The following SEL1L2 variants were observed in gnomAD, a reference collection of about 807,000 sequenced individuals.
SEL1L2 encodes SEL1L2 adaptor subunit of SYVN1 ubiquitin ligase, also known as protein sel-1 homolog 2.
SEL1L2 carries 89 observed loss-of-function variants against 98.8 expected under a neutral mutation model. That is an observed-to-expected ratio of 0.90 (90% CI 0.76 to 1.07). The LOEUF (loss-of-function observed/expected upper bound fraction) is 1.07. Ranked by LOEUF, SEL1L2 falls within the 50% of genes least tolerant of loss-of-function variation. The pLI is 0.00. For synonymous variants in SEL1L2, 262 were observed against 278.5 expected (o/e 0.94, Z 0.59); for missense variants, 788 against 812.0 (o/e 0.97, Z 0.36).
chr20:13,895,401 C>T (rs2047377670), intron 5 of SEL1L2, among the ~76,000 whole-genome samples: 1 of 149,982 alleles, frequency 6.7e-6, no homozygotes, highest in African/African-American at 2.5e-5. Flanking sequence ...CAAGATCACG[C>T]CACTGCACTG....
chr20:13,864,101 G>A (rs2147803026), intron 17 of SEL1L2, among the ~76,000 whole-genome samples: 1 of 152,060 alleles, frequency 6.6e-6, no homozygotes, highest in African/African-American at 2.4e-5. Flanking sequence ...ACCCACATTT[G>A]TTGTAATTGA....
At chr20:13,983,758 T>C (rs1192863928) in intron 1 of SEL1L2, among the ~76,000 whole-genome samples, 1 of 152,086 alleles carries the variant, frequency 6.6e-6, no homozygotes, top group Admixed American at 6.6e-5. Flanking sequence ...CGACCTCACG[T>C]GATCTGCCCG....
intron 2 of SEL1L2, among the ~76,000 whole-genome samples, chr20:13,946,278 C>T (rs978605652): frequency 2.6e-5 from 4 of 151,952 alleles, no homozygotes; most frequent in Non-Finnish European, 4.4e-5. Flanking sequence ...TACATATAAA[C>T]AAAGTTTAAA....
chr20:13,981,045 G>A (rs942809681), intron 1 of SEL1L2, among the ~76,000 whole-genome samples: 2 of 152,060 alleles, frequency 1.3e-5, no homozygotes, highest in Admixed American at 1.3e-4. Context: ...AAGTTTGAGA[G>A]CAGCCTTGCC....
chr20:13,909,974 A>T (rs542180499), intron 5 of SEL1L2, among the ~76,000 whole-genome samples: 1 of 152,258 alleles, frequency 6.6e-6, no homozygotes, highest in South Asian at 2.1e-4. Flanking sequence ...CTGTCTCAAA[A>T]AACCAAACCA....
intron 14 of SEL1L2, among the ~76,000 whole-genome samples, chr20:13,868,451 CT>C (rs1261213406): frequency 6.6e-6 from 1 of 152,054 alleles, no homozygotes; most frequent in Non-Finnish European, 1.5e-5. Context: ...CTTTCCTTCC[CT>C]TTAAGGGCAT....
At chr20:13,859,028 C>A (rs958183296) in intron 18 of SEL1L2, among the ~76,000 whole-genome samples, 7 of 152,208 alleles carry the variant, frequency 4.6e-5, no homozygotes, top group Non-Finnish European at 2.9e-5. Context: ...TAGACTAGAT[C>A]TCTTCTACTC....
chr20:13,949,788 C>A (rs1251722820), intron 2 of SEL1L2, among the ~76,000 whole-genome samples: 1 of 150,792 alleles, frequency 6.6e-6, no homozygotes, highest in East Asian at 1.9e-4. Context: ...CTGTGGAAAA[C>A]AAATGATGAT....
intron 5 of SEL1L2, among the ~76,000 whole-genome samples, chr20:13,909,088 C>T (rs1235234674): frequency 6.7e-6 from 1 of 149,112 alleles, no homozygotes. Context: ...TGTCTTCATT[C>T]TCTCTTCTCT....
chr20:13,961,396 C>T (rs1261273700), intron 1 of SEL1L2, among the ~76,000 whole-genome samples: 1 of 152,220 alleles, frequency 6.6e-6, no homozygotes, highest in East Asian at 1.9e-4. Flanking sequence ...TCCCCTTCCA[C>T]TGAGATAGAA....
intron 1 of SEL1L2, among the ~76,000 whole-genome samples, chr20:13,970,412 A>G (rs1326441847): frequency 6.6e-6 from 1 of 152,248 alleles, no homozygotes; most frequent in Non-Finnish European, 1.5e-5. Context: ...GTTAGGGTGG[A>G]CAAGAAGAAG....
intron 1 of SEL1L2, among the ~76,000 whole-genome samples, chr20:13,959,581 T>C (rs6042458): frequency 0.75 from 113,280 of 152,052 alleles, 43,365 homozygotes; most frequent in South Asian, 0.84. Flanking sequence ...TGAAGTTTTG[T>C]CTCATCCGCC....
At chr20:13,993,895 C>T (rs2052581567), upstream of SEL1L2, among the ~76,000 whole-genome samples, 1 of 152,120 alleles carries the variant, frequency 6.6e-6, no homozygotes, top group Non-Finnish European at 1.5e-5. Context: ...AATCAAAGAC[C>T]TCTTTCTATT....
intron 1 of SEL1L2, among the ~76,000 whole-genome samples, chr20:13,967,110 TG>T (rs1411183861): frequency 6.6e-6 from 1 of 151,776 alleles, no homozygotes; most frequent in Non-Finnish European, 1.5e-5. Flanking sequence ...CTTGAACTCC[TG>T]ACCTCGTGAT....
chr20:13,896,068 G>A (rs1019273885), intron 5 of SEL1L2, among the ~76,000 whole-genome samples: 4 of 152,180 alleles, frequency 2.6e-5, no homozygotes, highest in Non-Finnish European at 4.4e-5. Context: ...CCAGTTATGC[G>A]GGAGGATGAG....
intron 2 of SEL1L2, among the ~76,000 whole-genome samples, chr20:13,952,502 C>A (rs749661742): frequency 1.3e-5 from 2 of 152,142 alleles, no homozygotes; most frequent in Non-Finnish European, 2.9e-5. Flanking sequence ...TTCATGGGTG[C>A]AAGCTACTTT....
chr20:13,859,364 T>C lies in SEL1L2; in HGVS notation c.1716A>G (p.Gln572=), dbSNP rs879030486. ...CAATGCTGTAGTGTGTGGCTGCTGT[T>C]TGATAGTCTTTCTTAGTCCCATAGC... The part of the protein sequence containing the change: ...YYGYGTKKDY[Q]TAATHYSIAA... The change falls in exon 18 of 20, where the codon CAA becomes CAG. Residue 572 remains glutamine, a synonymous_variant. Coordinates refer to ENST00000284951, the MANE Select transcript of SEL1L2 (RefSeq NM_025229.2). 1 of 1,614,156 alleles carries C rather than the reference T, an allele frequency of 6.2e-7. No homozygotes were observed. The highest frequency in any genetic ancestry group is 1.1e-5 in the South Asian group (1 of 91,086).
At chr20:13,888,633 C>CAATT in intron 5 of SEL1L2, 121 bp from the exon 6 acceptor site, 1 of 232,096 alleles carries the variant, frequency 4.3e-6, no homozygotes, top group Non-Finnish European at 7.3e-6. Context: ...TTCTTTCTTT[C>CAATT]TCTTTTTTTT....
In SEL1L2 at chr20:13,955,158, G is replaced by T. The variant is rs146482493; in HGVS notation, c.114+918C>A. Among the ~76,000 whole-genome samples, 6 of 152,198 alleles carry T rather than the reference G, an allele frequency of 3.9e-5. No homozygotes were observed. The East Asian group carries it at 7.7e-4, about 20-fold the overall frequency. On this transcript the variant is annotated intron_variant, in intron 2 of 19. Transcript: ENST00000284951. ...AATGAACACCACAAACAAAACCCTTGCTCTCATGGAGTTTGTACTTTAGTG... is the reference window on the plus strand; with the variant it reads ...AATGAACACCACAAACAAAACCCTTTCTCTCATGGAGTTTGTACTTTAGTG...
Sources: gnomAD v4.1 joint callset for allele counts (sites outside exome capture counted in the v4.1 genomes callset) on GRCh38, gnomAD v4.1.1 for gene constraint, MANE v1.5 for transcripts, NCBI Gene and HGNC (gene_info 2026-07-23, HGNC 2026-07-21) for gene names.